The following ARRB1 variants were observed in gnomAD, a reference collection of about 807,000 sequenced individuals.
ARRB1 encodes arrestin beta 1.
A neutral mutation model predicts 56.8 loss-of-function variants in ARRB1; 21 were observed. The ratio of observed to expected loss-of-function variants is 0.37; its 90% CI spans 0.26 to 0.53. The LOEUF is 0.53. Ranked by LOEUF, ARRB1 falls within the 20% of genes least tolerant of loss-of-function variation. ARRB1 has a pLI of 0.88. For missense variants in ARRB1, 424 were observed against 553.7 expected (o/e 0.77, Z 2.35); for synonymous variants, 210 against 218.6 (o/e 0.96, Z 0.35).
At chr11:75,274,751 C>T (rs187439009) in intron 10 of ARRB1, 1 of 149,548 alleles carries the variant, frequency 6.7e-6, no homozygotes, top group Non-Finnish European at 1.5e-5. Flanking sequence ...GAGATTGCTC[C>T]ACTGCACTCC....
intron 1 of ARRB1, among the ~76,000 whole-genome samples, chr11:75,294,692 T>C (rs1420323929): frequency 6.6e-6 from 1 of 152,010 alleles, no homozygotes; most frequent in Non-Finnish European, 1.5e-5. Flanking sequence ...ATAATAGACA[T>C]TACTATATTC....
intron 1 of ARRB1, among the ~76,000 whole-genome samples, chr11:75,350,591 C>T (rs1226922096): frequency 6.6e-6 from 1 of 152,192 alleles, no homozygotes; most frequent in African/African-American, 2.4e-5. Flanking sequence ...CTCCTTTTGT[C>T]CCAGTTTCCC....
chr11:75,289,459 G>C (rs1227989944), intron 2 of ARRB1, among the ~76,000 whole-genome samples: 1 of 152,330 alleles, frequency 6.6e-6, no homozygotes, highest in East Asian at 1.9e-4. Flanking sequence ...CTGGCTGTGA[G>C]AGGCACAGAC....
intron 1 of ARRB1, among the ~76,000 whole-genome samples, chr11:75,336,136 C>T (rs748031701): frequency 2.0e-4 from 31 of 152,128 alleles, no homozygotes; most frequent in Non-Finnish European, 3.7e-4. Flanking sequence ...TGGGCAGGCA[C>T]GCTGAGACTC....
chr11:75,266,822 T>C (rs532936833), intron 15 of ARRB1, among the ~76,000 whole-genome samples: 1 of 152,168 alleles, frequency 6.6e-6, no homozygotes, highest in Non-Finnish European at 1.5e-5. Context: ...CAGCTCAGAT[T>C]CTACCTTGGG....
At chr11:75,305,210 ATTTT>A (rs112845043) in intron 1 of ARRB1, among the ~76,000 whole-genome samples, 1 of 131,694 alleles carries the variant, frequency 7.6e-6, no homozygotes, top group African/African-American at 2.7e-5. Flanking sequence ...TAATTTTTGT[ATTTT>A]TTTTTTTTTT....
intron 8 of ARRB1, among the ~76,000 whole-genome samples, chr11:75,277,885 C>A (rs1278573202): frequency 6.6e-6 from 1 of 152,216 alleles, no homozygotes; most frequent in Admixed American, 6.5e-5. Context: ...GCAGTGTGAC[C>A]GTGGGTAGGT....
rs1273798517 is a variant in ARRB1 at position 75,278,688 on chromosome 11, G to A, written c.539C>T (p.Pro180Leu). ...KVQYAPERPG[P>L]QPTAETTRQF... Reference sequence around the variant, plus strand: ...CCTGGTGGTCTCGGCTGTGGGCTGGGGGCCAGGCCTCTCTGGGGCATACTG... The same window carrying A: ...CCTGGTGGTCTCGGCTGTGGGCTGGAGGCCAGGCCTCTCTGGGGCATACTG... The change falls in exon 8 of 16, where the codon CCC becomes CTC. Residue 180 changes from proline to leucine, a missense_variant. Coordinates refer to ENST00000420843, the MANE Select transcript of ARRB1 (RefSeq NM_004041.5). 3 of 1,614,154 alleles carry A rather than the reference G, an allele frequency of 1.9e-6. No individual in the cohort carries two copies. The highest frequency in any genetic ancestry group is 8.5e-7 in the Non-Finnish European group (1 of 1,179,992).
Position 75,304,990 on chromosome 11 carries a change from ATTTTCTTTTC to A in ARRB1, c.21-14961_21-14952del, listed in dbSNP as rs899235282. Among the ~76,000 whole-genome samples the A allele has an allele frequency of 4.3e-5, 6 of 140,008 alleles. No individual in the cohort carries two copies. The South Asian group carries it at 6.8e-4, about 16-fold the overall frequency. The allele number at this position is 140,008 out of a possible 152,430, so 91.9% of individuals were successfully genotyped here. The stretch of plus-strand genomic sequence containing the variant: ...ACTCTATTAAAAGCAAAGGGAATGC[ATTTTCTTTTC>A]TTTTCTTTTCTTTCTTTCTTTTTTT... On this transcript the variant is annotated intron_variant, in intron 1 of 15. Transcript: ENST00000420843.
rs115486781 is a variant in ARRB1, at chr11:75,323,248, T to C, written c.20+28340A>G. 2.8e-3 allele frequency among the ~76,000 whole-genome samples: 433 copies of C among 152,294 alleles called. 2 individuals are homozygous for C. The highest frequency in any genetic ancestry group is 0.01 in the African/African-American group (416 of 41,550). ...AAACCACAGTCCATAACAAAATGAA[T>C]GTTGTTGTTTTGAGCCACTAAGTTT... On this transcript the variant is annotated intron_variant, in intron 1 of 15. Coordinates refer to ENST00000420843, the MANE Select transcript of ARRB1 (RefSeq NM_004041.5).
At chr11:75,327,845 T>A (rs1355662870) in intron 1 of ARRB1, among the ~76,000 whole-genome samples, 2 of 152,106 alleles carry the variant, frequency 1.3e-5, no homozygotes, top group African/African-American at 2.4e-5. Flanking sequence ...CACCTTGGCC[T>A]CCCAGTGCTG....
rs1947483688 is a variant in ARRB1 at position 75,329,186 on chromosome 11, A to C, written c.20+22402T>G. Among the ~76,000 whole-genome samples the C allele has an allele frequency of 2.0e-5, 3 of 149,468 alleles. No individual in the cohort carries two copies. In the Admixed American group the frequency reaches 2.0e-4, roughly 10 times the overall value. On this transcript the variant is annotated intron_variant, in intron 1 of 15. Coordinates refer to ENST00000420843, the MANE Select transcript of ARRB1 (RefSeq NM_004041.5). ...GGCTCACAGGGCTCACTGCAGCCTCAACATCCTGTGTTCAACTGATCCTCC... is the reference window on the plus strand; with the variant it reads ...GGCTCACAGGGCTCACTGCAGCCTCCACATCCTGTGTTCAACTGATCCTCC...
chr11:75,271,561 AG>A, intron 13 of ARRB1, 139 bp downstream of exon 13: 1 of 908,464 alleles, frequency 1.1e-6, no homozygotes, highest in Non-Finnish European at 1.6e-6. Flanking sequence ...TGTGTCTCCC[AG>A]CTCACACCTG....
intron 1 of ARRB1, among the ~76,000 whole-genome samples, chr11:75,300,918 A>T (rs1465868523): frequency 6.9e-6 from 1 of 144,640 alleles, no homozygotes; most frequent in Non-Finnish European, 1.5e-5. Flanking sequence ...CAGTGAGCCG[A>T]GATCGCGCCA....
At chr11:75,275,116 A>ATTTTATTTTTTT in intron 10 of ARRB1, among the ~76,000 whole-genome samples, 1 of 53,700 alleles carries the variant, frequency 1.9e-5, no homozygotes, top group African/African-American at 6.9e-5. Context: ...AAACAAATTT[A>ATTTTATTTTTTT]ATTTAAATTT....
chr11:75,304,197 G>A (rs138215421), intron 1 of ARRB1, among the ~76,000 whole-genome samples: 1 of 152,230 alleles, frequency 6.6e-6, no homozygotes, highest in East Asian at 1.9e-4. Flanking sequence ...AACTTTTAAG[G>A]ATATAGAATA....
intron 13 of ARRB1, chr11:75,271,148 T>G (rs1313699121): frequency 2.0e-5 from 3 of 152,260 alleles, no homozygotes; most frequent in Non-Finnish European, 2.9e-5. Flanking sequence ...CTGAATTGAA[T>G]TGAATGAATT....
At chr11:75,306,569 G>A (rs1375475115) in intron 1 of ARRB1, 6 of 1,279,830 alleles carry the variant, frequency 4.7e-6, no homozygotes, top group Non-Finnish European at 6.1e-6. Context: ...TTACAGATGA[G>A]AGCCCAAAGA....
chr11:75,276,978 TC>T (rs1946214788), intron 9 of ARRB1, 67 bp from the exon 10 acceptor site: 1 of 1,465,554 alleles, frequency 6.8e-7, no homozygotes, highest in Non-Finnish European at 9.3e-7. Context: ...CTCACAGGCG[TC>T]CCCGGGTTGG....
Sources: allele counts gnomAD v4.1 joint callset (sites outside exome capture counted in the v4.1 genomes callset), GRCh38; gene constraint gnomAD v4.1.1; transcripts MANE v1.5; gene names NCBI Gene and HGNC (gene_info 2026-07-23, HGNC 2026-07-21).